The following RPH3A variants were observed in gnomAD, a reference collection of about 807,000 sequenced individuals.
RPH3A encodes the protein rabphilin 3A.
Under a neutral mutation model 102.2 loss-of-function variants are expected in RPH3A, and 48 were observed. That is an observed-to-expected ratio of 0.47 (90% CI 0.37 to 0.60). The LOEUF is 0.60. RPH3A is among the 20% of genes least tolerant of loss of function. The pLI, the probability that RPH3A is intolerant of heterozygous loss-of-function variation, is 0.00. For missense variants in RPH3A, 781 were observed against 910.1 expected (o/e 0.86, Z 1.83); for synonymous variants, 310 against 324.3 (o/e 0.96, Z 0.47).
chr12:112,896,950 C>T lies in RPH3A; in HGVS notation c.*170C>T. 1.6e-6 allele frequency: 1 copy of T among 639,780 alleles called. No individual in the cohort carries two copies. Among genetic ancestry groups the T allele is most frequent in the Non-Finnish European group, 2.7e-6 (1 of 374,672 alleles). 39.6% of individuals were successfully genotyped at this position (639,780 alleles called of 1,614,324 possible). ...GTTGGGCACTGCTGCCAAAGACTCC[C>T]TCCTCCCTGATGCTGGGATGTGGGC... is the stretch of plus-strand genomic sequence containing the variant. On this transcript the variant is annotated 3_prime_UTR_variant, in exon 22 of 22. Transcript: ENST00000389385.
In RPH3A at chr12:112,713,070, C is replaced by G. The variant is rs1468198937; in HGVS notation, c.-139-79073C>G. Among the ~76,000 whole-genome samples the G allele has an allele frequency of 8.5e-5, 11 of 128,756 alleles. 2 individuals carry two copies. Among genetic ancestry groups the G allele is most frequent in the Non-Finnish European group, 1.6e-4 (10 of 63,296 alleles). The allele number at this position is 128,756 out of a possible 152,430, so 84.5% of individuals were successfully genotyped here. A position where few individuals can be genotyped will look rare whatever the true frequency, so the allele number is the denominator to read the frequency against. The stretch of plus-strand genomic sequence containing the variant: ...TCTTCTCCTTCTTCTTCTTCTTCTT[C>G]TTCTTCTTCTTCTTCTTCTTCTTCT... On this transcript the variant is annotated intron_variant, in intron 1 of 21. Coordinates refer to the RPH3A transcript ENST00000543106.
chr12:112,848,293 G>A (rs1015444756), intron 5 of RPH3A, among the ~76,000 whole-genome samples: 5 of 152,168 alleles, frequency 3.3e-5, no homozygotes, highest in African/African-American at 1.2e-4. Context: ...AGGTTAGGAG[G>A]ACAGAGAGTA....
rs11066380 is a variant in RPH3A at position 112,683,251 on chromosome 12, C to A, written c.-140+107932C>A. On this transcript the variant is annotated intron_variant, in intron 1 of 21. Coordinates refer to the RPH3A transcript ENST00000543106. Reference sequence around the variant, plus strand: ...TTGATCATTAAGAAACGTTTTGTAGCAGGTTGAAGATTTTAAAAAGACCAT... The same window carrying A: ...TTGATCATTAAGAAACGTTTTGTAGAAGGTTGAAGATTTTAAAAAGACCAT... Among the ~76,000 whole-genome samples the A allele has an allele frequency of 1.9e-4, 29 of 152,164 alleles. 1 individual carries two copies. The East Asian group carries it at 4.6e-3, about 24-fold the overall frequency.
intron 1 of RPH3A, among the ~76,000 whole-genome samples, chr12:112,748,881 AT>A (rs957836050): frequency 3.4e-3 from 496 of 147,658 alleles, no homozygotes; most frequent in Middle Eastern, 7.0e-3. Flanking sequence ...ATGGGGCTTA[AT>A]TTTTTTTTTT....
At chr12:112,726,106 G>T (rs1049356152) in intron 1 of RPH3A, among the ~76,000 whole-genome samples, 1 of 150,494 alleles carries the variant, frequency 6.6e-6, no homozygotes, top group Non-Finnish European at 1.5e-5. Context: ...TTTTTTTCGG[G>T]GGGGTGGGGG....
At chr12:112,628,663 G>A (rs1048057482) in intron 1 of RPH3A, among the ~76,000 whole-genome samples, 1 of 146,182 alleles carries the variant, frequency 6.8e-6, no homozygotes, top group African/African-American at 2.5e-5. Context: ...AAGGCAGGAG[G>A]ATCCTTGAGT....
chr12:112,875,299 C>T, intron 11 of RPH3A, 129 bp downstream of exon 11: 2 of 707,350 alleles, frequency 2.8e-6, no homozygotes, highest in Non-Finnish European at 4.6e-6. Context: ...ATCTTAACCT[C>T]TTCTAAGACC....
At chr12:112,823,138 T>C (rs144756358) in intron 2 of RPH3A, among the ~76,000 whole-genome samples, 1 of 152,308 alleles carries the variant, frequency 6.6e-6, no homozygotes, top group East Asian at 1.9e-4. Flanking sequence ...TCTCTGAGGC[T>C]GAGAGGTGAA....
chr12:112,797,313 C>T (rs1166088010), intron 2 of RPH3A, among the ~76,000 whole-genome samples: 1 of 152,124 alleles, frequency 6.6e-6, no homozygotes, highest in African/African-American at 2.4e-5. Flanking sequence ...AGAGCCTTTC[C>T]TAAAAGTGAA....
intron 16 of RPH3A, among the ~76,000 whole-genome samples, chr12:112,884,018 T>C (rs1296225048): frequency 6.6e-6 from 1 of 152,130 alleles, no homozygotes; most frequent in Non-Finnish European, 1.5e-5. Context: ...TATATATATA[T>C]ATGTATGGAA....
intron 1 of RPH3A, among the ~76,000 whole-genome samples, chr12:112,658,102 A>G (rs1358097560): frequency 6.6e-6 from 1 of 152,248 alleles, no homozygotes; most frequent in African/African-American, 2.4e-5. Context: ...GAAGTAGGGC[A>G]TCTCTGGAAG....
At chr12:112,643,554 A>G (rs1256429104) in intron 1 of RPH3A, among the ~76,000 whole-genome samples, 2 of 152,264 alleles carry the variant, frequency 1.3e-5, no homozygotes, top group South Asian at 2.1e-4. Context: ...TTTCTGCTAC[A>G]TGGGGCTTAA....
intron 1 of RPH3A, among the ~76,000 whole-genome samples, chr12:112,632,674 C>G (rs1209861067): frequency 6.6e-6 from 1 of 152,202 alleles, no homozygotes; most frequent in Non-Finnish European, 1.5e-5. Flanking sequence ...TGTGTCCCCT[C>G]TCCTTCAGGG....
chr12:112,824,324 G>C (rs1669356178), intron 2 of RPH3A, among the ~76,000 whole-genome samples: 1 of 152,186 alleles, frequency 6.6e-6, no homozygotes, highest in African/African-American at 2.4e-5. Flanking sequence ...TCTGGGCAAA[G>C]CAGCTCCTGT....
chr12:112,638,076 C>T (rs1680941160), intron 1 of RPH3A, among the ~76,000 whole-genome samples: 1 of 152,086 alleles, frequency 6.6e-6, no homozygotes, highest in Non-Finnish European at 1.5e-5. Context: ...GATTAATACC[C>T]TCCCTGGGGC....
At chr12:112,823,119 A>G (rs2041808823) in intron 2 of RPH3A, among the ~76,000 whole-genome samples, 1 of 152,208 alleles carries the variant, frequency 6.6e-6, no homozygotes, top group Admixed American at 6.5e-5. Context: ...GTGGGTAGGT[A>G]TCTCTTTGTC....
intron 4 of RPH3A, among the ~76,000 whole-genome samples, chr12:112,845,022 T>C (rs184774013): frequency 2.1e-4 from 32 of 152,288 alleles, no homozygotes; most frequent in African/African-American, 7.5e-4. Flanking sequence ...CCTCACAACA[T>C]GGCGGCTGGC....
At chr12:112,786,379 G>T (rs182931814) in intron 1 of RPH3A, among the ~76,000 whole-genome samples, 8 of 152,128 alleles carry the variant, frequency 5.3e-5, no homozygotes, top group African/African-American at 1.9e-4. Context: ...TCTCTGTCTC[G>T]TGTTCTTTCT....
intron 1 of RPH3A, among the ~76,000 whole-genome samples, chr12:112,608,168 T>C (rs2039612471): frequency 6.6e-6 from 1 of 151,254 alleles, no homozygotes; most frequent in Admixed American, 6.6e-5. Flanking sequence ...CAGGCTGGAG[T>C]GCAGTGGGGC....
Sources: gnomAD v4.1 joint callset for allele counts (sites outside exome capture counted in the v4.1 genomes callset) on GRCh38, gnomAD v4.1.1 for gene constraint, MANE v1.5 for transcripts, NCBI Gene and HGNC (gene_info 2026-07-23, HGNC 2026-07-21) for gene names.